The following PXDNL variants were observed in gnomAD, a reference collection of about 807,000 sequenced individuals.
PXDNL encodes probable oxidoreductase PXDNL.
In PXDNL, 145 loss-of-function variants were observed where a neutral mutation model predicts 150.8. The observed-to-expected ratio is 0.96, with a 90% CI of 0.84 to 1.10. The LOEUF (loss-of-function observed/expected upper bound fraction) is 1.10, where lower values mean the gene tolerates loss of function less well. Ranked by LOEUF, PXDNL falls within the 50% of genes least tolerant of loss-of-function variation. The probability of loss-of-function intolerance (pLI) is 0.00; values close to 1 mark genes in which losing one functional copy is unlikely to be tolerated. For synonymous variants in PXDNL, 757 were observed against 725.7 expected (o/e 1.04, Z -0.69); for missense variants, 2,087 against 1,873.9 (o/e 1.11, Z -2.10).
At chr8:51,695,678 G>A (rs1563509594) in intron 1 of PXDNL, among the ~76,000 whole-genome samples, 1 of 152,072 alleles carries the variant, frequency 6.6e-6, no homozygotes, top group Non-Finnish European at 1.5e-5. Flanking sequence ...AGGCAGTATG[G>A]TTCCCCTCAC....
chr8:51,648,809 G>C (rs981283725), intron 2 of PXDNL, among the ~76,000 whole-genome samples: 1 of 152,174 alleles, frequency 6.6e-6, no homozygotes, highest in African/African-American at 2.4e-5. Flanking sequence ...CCAGGTAGAA[G>C]ATTCTAAAAG....
At chr8:51,573,035 GAA>G (rs1453567444) in intron 3 of PXDNL, among the ~76,000 whole-genome samples, 1 of 151,876 alleles carries the variant, frequency 6.6e-6, no homozygotes, top group Non-Finnish European at 1.5e-5. Flanking sequence ...CAAAAGCCTA[GAA>G]AATATCAATG....
intron 4 of PXDNL, among the ~76,000 whole-genome samples, chr8:51,542,490 C>A: frequency 8.1e-6 from 1 of 123,162 alleles, no homozygotes. Flanking sequence ...GAATTAATGC[C>A]CTTATAAAAA....
At chr8:51,510,641 C>T in intron 4 of PXDNL, among the ~76,000 whole-genome samples, 1 of 152,128 alleles carries the variant, frequency 6.6e-6, no homozygotes, top group East Asian at 1.9e-4. Flanking sequence ...TGAGGGCAGG[C>T]CTGAGACATG....
At chr8:51,631,328 G>A (rs115879680) in intron 2 of PXDNL, among the ~76,000 whole-genome samples, 4 of 152,070 alleles carry the variant, frequency 2.6e-5, no homozygotes, top group African/African-American at 7.2e-5. Flanking sequence ...TACCTATTGG[G>A]TATGATGCTC....
intron 2 of PXDNL, among the ~76,000 whole-genome samples, chr8:51,641,610 C>T (rs1814757659): frequency 6.6e-6 from 1 of 151,392 alleles, no homozygotes; most frequent in Admixed American, 6.6e-5. Context: ...AAAAAATGCT[C>T]ACCATCACTG....
intron 1 of PXDNL, among the ~76,000 whole-genome samples, chr8:51,698,605 C>T (rs993401212): frequency 6.6e-6 from 1 of 152,160 alleles, no homozygotes; most frequent in Non-Finnish European, 1.5e-5. Context: ...CTTCCAAACT[C>T]CTGTTAATGT....
rs1280981666 is a variant in PXDNL at position 51,447,100 on chromosome 8, G to T, written c.1429C>A (p.Arg477Ser). 1 of 1,613,734 alleles carries T rather than the reference G, an allele frequency of 6.2e-7. No homozygotes were observed. Among genetic ancestry groups the T allele is most frequent in the African/African-American group, 1.3e-5 (1 of 74,874 alleles). ...VLSSGTLRID[R>S]AAQHDQGQYE... ...TGGCCTTGATCGTGCTGTGCTGCAC[G>T]GTCAATTCTCAAAGTGCCAGAGGAG... The change falls in exon 12 of 23, where the codon CGT (arginine) becomes AGT (serine). Residue 477 changes from arginine to serine, a missense_variant. Transcript: ENST00000356297.
chr8:51,350,354 C>CTTTT (rs1163628780), intron 19 of PXDNL, among the ~76,000 whole-genome samples: 798 of 77,638 alleles, frequency 0.01, 12 homozygotes, highest in East Asian at 0.014. Context: ...AATGCAGCTT[C>CTTTT]TTTTTTTTTT....
At chr8:51,711,755 T>G (rs1816503149) in intron 1 of PXDNL, among the ~76,000 whole-genome samples, 1 of 152,248 alleles carries the variant, frequency 6.6e-6, no homozygotes, top group Non-Finnish European at 1.5e-5. Context: ...AGTATATATA[T>G]GCAGTATACA....
chr8:51,362,732 A>C (rs948879588), intron 19 of PXDNL, among the ~76,000 whole-genome samples: 8 of 152,222 alleles, frequency 5.3e-5, no homozygotes, highest in Non-Finnish European at 1.2e-4. Context: ...TAGGGCAATG[A>C]AGCATGTGAT....
At chr8:51,575,629 T>C (rs1054803632) in intron 3 of PXDNL, among the ~76,000 whole-genome samples, 1 of 151,838 alleles carries the variant, frequency 6.6e-6, no homozygotes, top group Non-Finnish European at 1.5e-5. Flanking sequence ...GTAGGAGAAT[T>C]GGTCGAACCT....
At chr8:51,730,412 T>C in intron 1 of PXDNL, among the ~76,000 whole-genome samples, 1 of 152,248 alleles carries the variant, frequency 6.6e-6, no homozygotes, top group Non-Finnish European at 1.5e-5. Context: ...ATTTTCATAA[T>C]CTGGGTGTCA....
chr8:51,445,961 C>G (rs1318321545), intron 12 of PXDNL, among the ~76,000 whole-genome samples: 1 of 151,486 alleles, frequency 6.6e-6, no homozygotes, highest in African/African-American at 2.4e-5. Context: ...ATCCTTTTTC[C>G]CCCCCGTAGA....
intron 1 of PXDNL, among the ~76,000 whole-genome samples, chr8:51,678,647 C>T (rs1815679017): frequency 2.0e-5 from 3 of 148,618 alleles, no homozygotes; most frequent in South Asian, 2.1e-4. Context: ...TATTCTCACT[C>T]ATAGGTGGGA....
intron 17 of PXDNL, among the ~76,000 whole-genome samples, chr8:51,397,483 C>T (rs1305884057): frequency 1.3e-5 from 2 of 152,076 alleles, no homozygotes; most frequent in African/African-American, 4.8e-5. Flanking sequence ...GCTTGTTTAA[C>T]AAATACTAAG....
chr8:51,414,202 G>C (rs1284317310), intron 14 of PXDNL, among the ~76,000 whole-genome samples: 2 of 151,312 alleles, frequency 1.3e-5, no homozygotes, highest in African/African-American at 4.9e-5. Context: ...AATATAGTAT[G>C]ATAGATATAT....
At position 51,638,462 on chromosome 8, in the gene PXDNL, C is replaced by T. The variant is rs199871195; in HGVS notation, c.236+16227G>A. Among the ~76,000 whole-genome samples, 249 of 152,076 alleles carry T rather than the reference C, an allele frequency of 1.6e-3. 1 individual carries two copies. The highest frequency in any genetic ancestry group is 5.5e-3 in the African/African-American group (229 of 41,460). On this transcript the variant is annotated intron_variant, in intron 2 of 22. Transcript: ENST00000356297. ...TGCTGTATTCAGGAGACCCATCTCACGTGCAGAGACACACATAGGCTCAAA... is the reference window on the plus strand; with the variant it reads ...TGCTGTATTCAGGAGACCCATCTCATGTGCAGAGACACACATAGGCTCAAA...
At chr8:51,505,943 A>C (rs969014826) in intron 4 of PXDNL, among the ~76,000 whole-genome samples, 1 of 152,232 alleles carries the variant, frequency 6.6e-6, no homozygotes, top group African/African-American at 2.4e-5. Context: ...CTATTACACC[A>C]ACAAATTATT....
Sources: gnomAD v4.1 joint callset for allele counts (sites outside exome capture counted in the v4.1 genomes callset) on GRCh38, gnomAD v4.1.1 for gene constraint, MANE v1.5 for transcripts, NCBI Gene and HGNC (gene_info 2026-07-23, HGNC 2026-07-21) for gene names.